The following DPYSL5 variants were observed in gnomAD, a reference collection of about 807,000 sequenced individuals.
DPYSL5 encodes the protein dihydropyrimidinase-related protein 5.
DPYSL5 carries 9 observed loss-of-function variants against 58.4 expected under a neutral mutation model. The observed-to-expected ratio is 0.15, with a 90% CI of 0.09 to 0.27. The LOEUF (loss-of-function observed/expected upper bound fraction) is 0.27. DPYSL5 is among the 10% of genes least tolerant of loss of function. The pLI is 1.00. For synonymous variants in DPYSL5, 293 were observed against 301.9 expected (o/e 0.97, Z 0.31); for missense variants, 499 against 770.6 (o/e 0.65, Z 4.17).
At chr2:26,882,772 A>G (rs1663606785) in intron 1 of DPYSL5, among the ~76,000 whole-genome samples, 1 of 151,938 alleles carries the variant, frequency 6.6e-6, no homozygotes, top group Admixed American at 6.6e-5. Flanking sequence ...AATTAGCCAG[A>G]GGTGGTGGGG....
At chr2:26,882,908 T>TAAAA (rs74378520) in intron 1 of DPYSL5, among the ~76,000 whole-genome samples, 14 of 100,112 alleles carry the variant, frequency 1.4e-4, no homozygotes, top group African/African-American at 4.6e-4. Flanking sequence ...GAGACTATCT[T>TAAAA]AAAAAAAAAA....
At position 26,933,152 on chromosome 2, in the gene DPYSL5, C is replaced by T. The variant is rs1214697435; in HGVS notation, c.715-106C>T. 8 of 971,014 alleles carry T rather than the reference C, an allele frequency of 8.2e-6. No homozygotes were observed. Among genetic ancestry groups the T allele is most frequent in the Middle Eastern group, 2.2e-4 (1 of 4,568 alleles). The allele number at this position is 971,014 out of a possible 1,614,324, so 60.1% of individuals were successfully genotyped here. On this transcript the variant is annotated intron_variant, in intron 6 of 12. Coordinates refer to ENST00000288699, the MANE Select transcript of DPYSL5 (RefSeq NM_020134.4). The surrounding 1 kb of genome is among the most constrained non-coding windows in gnomAD (Gnocchi z 4.2). ...TCACCTTGAGGGTGGGGTTGAGTGA[C>T]GCAGGGGGAGGCGCTGGTGCCAGGG... is the stretch of plus-strand genomic sequence containing the variant.
chr2:26,909,826 T>C (rs577760694), intron 2 of DPYSL5, among the ~76,000 whole-genome samples: 2 of 151,908 alleles, frequency 1.3e-5, no homozygotes, highest in South Asian at 4.2e-4. Flanking sequence ...AGAATATGTC[T>C]AGAAAGAGGA....
intron 1 of DPYSL5, among the ~76,000 whole-genome samples, chr2:26,855,646 C>T (rs749923786): frequency 6.6e-6 from 1 of 152,158 alleles, no homozygotes; most frequent in Non-Finnish European, 1.5e-5. Context: ...GTGCCCGGTA[C>T]TCAATCACAC....
rs1282604155 is a variant in DPYSL5, at chr2:26,925,198, C to G, written c.420+153C>G. On this transcript the variant is annotated intron_variant, in intron 3 of 12. Coordinates refer to ENST00000288699, the MANE Select transcript of DPYSL5 (RefSeq NM_020134.4). The surrounding 1 kb of genome is among the most constrained non-coding windows in gnomAD (Gnocchi z 4.5). ...CCAAAAGAAAACACACTTGGGATTC[C>G]ATAAGGGGAGCGGATGGGCTTGTGC... Among the ~76,000 whole-genome samples the G allele has an allele frequency of 6.6e-6, 1 of 152,190 alleles. No individual in the cohort carries two copies. The highest frequency in any genetic ancestry group is 1.5e-5 in the Non-Finnish European group (1 of 68,034).
intron 1 of DPYSL5, among the ~76,000 whole-genome samples, chr2:26,859,961 G>C (rs1293771602): frequency 6.6e-6 from 1 of 152,196 alleles, no homozygotes; most frequent in African/African-American, 2.4e-5. Context: ...CGATTTCCAG[G>C]AAGGAGCTAG....
chr2:26,884,649 C>A (rs1252665662), intron 1 of DPYSL5, among the ~76,000 whole-genome samples: 1 of 152,144 alleles, frequency 6.6e-6, no homozygotes, highest in East Asian at 1.9e-4. Flanking sequence ...TTTCTTACCA[C>A]CCTCTCACAG....
chr2:26,929,412 A>G (rs964288102), intron 5 of DPYSL5, among the ~76,000 whole-genome samples: 2 of 152,140 alleles, frequency 1.3e-5, no homozygotes, highest in Admixed American at 1.3e-4. Context: ...TTGTATGTTT[A>G]GTAGAGACGG....
chr2:26,881,759 G>T (rs541521558), intron 1 of DPYSL5, among the ~76,000 whole-genome samples: 56 of 152,262 alleles, frequency 3.7e-4, no homozygotes, highest in African/African-American at 1.3e-3. Context: ...TAAAGGGAAT[G>T]CCTTGTACCC....
intron 1 of DPYSL5, among the ~76,000 whole-genome samples, chr2:26,862,489 G>T (rs1046277497): frequency 2.0e-5 from 3 of 152,300 alleles, no homozygotes; most frequent in Non-Finnish European, 2.9e-5. Context: ...TCTATGCCAG[G>T]CATACTGGGA....
At chr2:26,890,521 G>A (rs1234151115) in intron 1 of DPYSL5, among the ~76,000 whole-genome samples, 1 of 152,214 alleles carries the variant, frequency 6.6e-6, no homozygotes, top group African/African-American at 2.4e-5. Flanking sequence ...TCCGACAGCA[G>A]CCCACGTGGA....
At chr2:26,858,460 C>T (rs577117434) in intron 1 of DPYSL5, among the ~76,000 whole-genome samples, 56 of 152,234 alleles carry the variant, frequency 3.7e-4, no homozygotes, top group Non-Finnish European at 6.9e-4. Context: ...CGTGAGCCAC[C>T]GCACCCAGCC....
chr2:26,941,852 C>A, intron 9 of DPYSL5, 98 bp from the exon 10 acceptor site: 1 of 1,532,548 alleles, frequency 6.5e-7, no homozygotes, highest in Non-Finnish European at 8.9e-7. Context: ...GTCCTGACCA[C>A]CTAAGCCCTA....
At position 26,942,029 on chromosome 2, in the gene DPYSL5, G is replaced by A. The variant is rs758472887; in HGVS notation, c.1169G>A (p.Arg390His). The change falls in exon 10 of 13, where the codon CGC becomes CAC. Residue 390 changes from arginine (R) to histidine (H), a missense_variant. Physicochemically the swap from Arg to His is conservative, Grantham distance 29. This residue lies in a region of DPYSL5 where 404 missense variants were observed against 647.6 expected (regional missense o/e 0.62). Coordinates refer to ENST00000288699, the MANE Select transcript of DPYSL5 (RefSeq NM_020134.4). The surrounding 1 kb of genome is among the most constrained non-coding windows in gnomAD (Gnocchi z 5.9). Reference sequence around the variant, plus strand: ...GCTAAGCTTCTGAACCTGTATCCCCGCAAGGGCCGCATTATTCCCGGAGCC... The same window carrying A: ...GCTAAGCTTCTGAACCTGTATCCCCACAAGGGCCGCATTATTCCCGGAGCC... ...NAAKLLNLYPRKGRIIPGADA... is the reference protein window; with the variant it reads ...NAAKLLNLYPHKGRIIPGADA... 30 of 1,614,044 alleles carry A rather than the reference G, an allele frequency of 1.9e-5. No homozygotes were observed. The highest frequency in any genetic ancestry group is 5.0e-5 in the Admixed American group (3 of 60,002).
At chr2:26,887,506 A>T (rs566480516) in intron 1 of DPYSL5, among the ~76,000 whole-genome samples, 1 of 152,210 alleles carries the variant, frequency 6.6e-6, no homozygotes, top group Non-Finnish European at 1.5e-5. Flanking sequence ...TGGGCTTGGC[A>T]TTTCTTTGGC....
Position 26,924,971 on chromosome 2 carries a change from T to G in DPYSL5, c.346T>G (p.Cys116Gly). The G allele has an allele frequency of 6.2e-7, 1 of 1,614,110 alleles. No homozygotes were observed. The highest frequency in any genetic ancestry group is 8.5e-7 in the Non-Finnish European group (1 of 1,180,008). The change falls in exon 3 of 13, where the codon TGC becomes GGC. Residue 116 changes from cysteine to glycine, a missense_variant. Around this residue, in one of 3 missense-constraint regions of DPYSL5, gnomAD observed 404 missense variants for 647.6 expected, o/e 0.62. Coordinates refer to ENST00000288699, the MANE Select transcript of DPYSL5 (RefSeq NM_020134.4). This position sits in a 1 kb window ranked among gnomAD's most constrained non-coding sequence, Gnocchi z 4.7. The stretch of plus-strand genomic sequence containing the variant: ...CTCCCTTGTGGACGCTTATGAGAAG[T>G]GCCGAGGTCTGGCCGACCCCAAGGT... ...ETSLVDAYEK[C>G]RGLADPKVCC...
intron 3 of DPYSL5, among the ~76,000 whole-genome samples, chr2:26,926,905 G>A (rs978553255): frequency 1.3e-5 from 2 of 152,208 alleles, no homozygotes; most frequent in African/African-American, 4.8e-5. Context: ...CCAGGCAACA[G>A]CCCACAGAAA....
intron 2 of DPYSL5, among the ~76,000 whole-genome samples, chr2:26,902,916 G>A (rs555379128): frequency 2.0e-5 from 3 of 152,162 alleles, no homozygotes; most frequent in African/African-American, 7.2e-5. Flanking sequence ...GCAACATCAG[G>A]AAGTCACCCT....
intron 11 of DPYSL5, among the ~76,000 whole-genome samples, chr2:26,943,869 G>T (rs1665389537): frequency 6.6e-6 from 1 of 152,226 alleles, no homozygotes; most frequent in Non-Finnish European, 1.5e-5. Context: ...GCTACTGGGG[G>T]CCTCTCATCT....
Sources: gnomAD v4.1 joint callset for allele counts (sites outside exome capture counted in the v4.1 genomes callset) on GRCh38, gnomAD v4.1.1 for gene constraint, gnomAD v4.1.1 regional missense constraint, Gnocchi (gnomAD v3.1) non-coding constraint, MANE v1.5 for transcripts, NCBI Gene and HGNC (gene_info 2026-07-23, HGNC 2026-07-21) for gene names.